IL2RB: variants seen among roughly 807,000 people sequenced by gnomAD.
IL2RB encodes the protein interleukin 2 receptor subunit beta.
Under a neutral mutation model 44.2 loss-of-function variants are expected in IL2RB, and 17 were observed. The ratio of observed to expected loss-of-function variants is 0.38; its 90% CI spans 0.26 to 0.58. The LOEUF (loss-of-function observed/expected upper bound fraction) is 0.58, where lower values mean the gene tolerates loss of function less well. Ranked by LOEUF, IL2RB falls within the 20% of genes least tolerant of loss-of-function variation. The probability of loss-of-function intolerance (pLI) is 0.63; values close to 1 mark genes in which losing one functional copy is unlikely to be tolerated. For missense variants in IL2RB, 624 were observed against 685.5 expected, an observed-to-expected ratio of 0.91 and a Z score of 1.00; for synonymous variants, 286 against 297.9, an observed-to-expected ratio of 0.96 and a Z score of 0.41.
chr22:37,148,557 A>G (rs114438040), intron 1 of IL2RB, among the ~76,000 whole-genome samples: 134 of 152,272 alleles, frequency 8.8e-4, no homozygotes, highest in Middle Eastern at 3.4e-3. Context: ...CCAGAACTGA[A>G]GCCCGGAGCG....
At chr22:37,132,361 G>A in intron 9 of IL2RB, 23 bp downstream of exon 9, 1 of 1,601,980 alleles carries the variant, frequency 6.2e-7, no homozygotes, top group Non-Finnish European at 8.5e-7. Flanking sequence ...GCCCACCTCT[G>A]TCTCCCCGCC....
intron 1 of IL2RB, among the ~76,000 whole-genome samples, chr22:37,172,025 T>C (rs894557929): frequency 3.3e-5 from 5 of 150,742 alleles, no homozygotes; most frequent in Admixed American, 6.7e-5. Context: ...ATCTGACCTG[T>C]CTGAGCTATT....
chr22:37,171,129 G>A (rs1292132375), intron 1 of IL2RB, among the ~76,000 whole-genome samples: 3 of 152,112 alleles, frequency 2.0e-5, no homozygotes, highest in Admixed American at 6.5e-5. Flanking sequence ...GACTACAGGC[G>A]CGGCCACCAT....
intron 8 of IL2RB, among the ~76,000 whole-genome samples, chr22:37,133,786 C>T (rs1266800729): frequency 2.0e-5 from 3 of 152,210 alleles, no homozygotes; most frequent in East Asian, 1.9e-4. Flanking sequence ...GCATCACTGC[C>T]GCCACAGGCC....
intron 8 of IL2RB, 49 bp from the exon 9 acceptor site, chr22:37,132,517 G>T: frequency 1.4e-6 from 2 of 1,393,780 alleles, no homozygotes; most frequent in South Asian, 1.2e-5. Flanking sequence ...GGGAAGGACC[G>T]CGGTGTTATG....
chr22:37,139,338 G>T, intron 4 of IL2RB, 116 bp from the exon 5 acceptor site: 1 of 666,018 alleles, frequency 1.5e-6, no homozygotes, highest in Non-Finnish European at 2.7e-6. Flanking sequence ...CGCCACCCAA[G>T]GCAGGGGCAG....
upstream of IL2RB, chr22:37,175,098 C>T (rs547914067): frequency 1.3e-5 from 2 of 152,292 alleles, no homozygotes; most frequent in African/African-American, 2.4e-5. Flanking sequence ...CATCAAAACT[C>T]GTGAGAACTC....
chr22:37,131,740 T>G (rs1921439541), intron 9 of IL2RB, among the ~76,000 whole-genome samples: 1 of 139,866 alleles, frequency 7.1e-6, no homozygotes, highest in Non-Finnish European at 1.6e-5. Flanking sequence ...GATAGGGTAC[T>G]TTTTTTTTTT....
intron 1 of IL2RB, chr22:37,166,700 C>G (rs1923093372): frequency 6.6e-6 from 1 of 152,200 alleles, no homozygotes; most frequent in South Asian, 2.1e-4. Flanking sequence ...AAGTTGCCAC[C>G]AGAGGGCAGT....
chr22:37,172,215 TAAAA>T (rs63579164), intron 1 of IL2RB, among the ~76,000 whole-genome samples: 1 of 104,510 alleles, frequency 9.6e-6, no homozygotes, highest in African/African-American at 3.3e-5. Flanking sequence ...AAAGGTAAAG[TAAAA>T]AAAAAAAAAA....
chr22:37,137,512 A>G (rs1569043933), intron 6 of IL2RB, 75 bp downstream of exon 6: 9 of 1,520,302 alleles, frequency 5.9e-6, no homozygotes, highest in East Asian at 4.5e-5. Flanking sequence ...CCTCGACACA[A>G]TGAAAAAGGG....
chr22:37,129,534 G>A (rs1245145661), intron 9 of IL2RB, among the ~76,000 whole-genome samples: 1 of 144,938 alleles, frequency 6.9e-6, no homozygotes, highest in African/African-American at 2.6e-5. Flanking sequence ...GGATTCCAGA[G>A]AGCCCTGGCA....
At chr22:37,133,532 G>A (rs1018058728) in intron 8 of IL2RB, among the ~76,000 whole-genome samples, 2 of 152,202 alleles carry the variant, frequency 1.3e-5, no homozygotes, top group Non-Finnish European at 2.9e-5. Flanking sequence ...GGGGAAAGTC[G>A]AGTGAGGTGA....
At chr22:37,173,780 G>A (rs1156954823) in intron 1 of IL2RB, among the ~76,000 whole-genome samples, 1 of 152,164 alleles carries the variant, frequency 6.6e-6, no homozygotes, top group Non-Finnish European at 1.5e-5. Flanking sequence ...CCTGGAGGTG[G>A]TAGCTTTGGC....
Position 37,149,878 on chromosome 22 carries a change from T to C in IL2RB, c.-87A>G, listed in dbSNP as rs936560755. On this transcript the variant is annotated 5_prime_UTR_variant, in exon 1 of 10. Coordinates refer to ENST00000216223, the MANE Select transcript of IL2RB (RefSeq NM_000878.5). ...CGCGCTCTCCAGTCCTCCCCGGTGC[T>C]GGGACCGTGGCCATCTCTCCAGGGC... 1.6e-4 allele frequency: 162 copies of C among 985,520 alleles called. 1 individual carries two copies. The African/African-American group carries it at 2.8e-3, about 17-fold the overall frequency. The allele number at this position is 985,520 out of a possible 1,614,324, so 61.0% of individuals were successfully genotyped here. A position where few individuals can be genotyped will look rare whatever the true frequency, so the allele number is the denominator to read the frequency against.
intron 3 of IL2RB, chr22:37,142,755 G>A (rs1488206097): frequency 1.7e-5 from 11 of 665,520 alleles, no homozygotes; most frequent in East Asian, 1.4e-4. Context: ...GAGTGATCTA[G>A]AAACACAAAC....
chr22:37,152,893 CCT>C (rs1383029017), upstream of IL2RB, among the ~76,000 whole-genome samples: 1 of 149,650 alleles, frequency 6.7e-6, no homozygotes, highest in Non-Finnish European at 1.5e-5. Context: ...TTCCTGATTC[CCT>C]GTTTCAGAGG....
rs1457746503 is a variant in IL2RB, at chr22:37,128,537, G to C, written c.1215C>G (p.Pro405=). 1 of 1,613,568 alleles carries C rather than the reference G, an allele frequency of 6.2e-7. No individual in the cohort carries two copies. Among genetic ancestry groups the C allele is most frequent in the Non-Finnish European group, 8.5e-7 (1 of 1,179,640 alleles). ...CCCCTGACAGAGGCTGCAGGGGTTG[G>C]GGGGAAGACCCTGTGGGTGCCCCGG... ...GVAGAPTGSS[P]QPLQPLSGED... Residue 405 remains proline, a synonymous_variant, in exon 10 of 10, where the codon CCC becomes CCG. Coordinates refer to ENST00000216223, the MANE Select transcript of IL2RB (RefSeq NM_000878.5). This position sits in a 1 kb window ranked among gnomAD's most constrained non-coding sequence, Gnocchi z 4.5.
intron 1 of IL2RB, among the ~76,000 whole-genome samples, chr22:37,145,737 G>A (rs1259748609): frequency 6.6e-6 from 1 of 151,988 alleles, no homozygotes; most frequent in Non-Finnish European, 1.5e-5. Flanking sequence ...AGAGGGGAGA[G>A]GAGCAGGTGA....
Sources: gnomAD v4.1 joint callset for allele counts (sites outside exome capture counted in the v4.1 genomes callset) on GRCh38, gnomAD v4.1.1 for gene constraint, Gnocchi (gnomAD v3.1) non-coding constraint, MANE v1.5 for transcripts, NCBI Gene and HGNC (gene_info 2026-07-23, HGNC 2026-07-21) for gene names.